Variants in AP2A1 observed in about 807,000 individuals in gnomAD.
AP2A1 encodes adaptor related protein complex 2 subunit alpha 1.
In AP2A1, 21 loss-of-function variants were observed where a neutral mutation model predicts 107.3. That is an observed-to-expected ratio of 0.20 (90% CI 0.14 to 0.28). The LOEUF (loss-of-function observed/expected upper bound fraction) is 0.28, where lower values mean the gene tolerates loss of function less well. AP2A1 is among the 10% of genes least tolerant of loss of function. The pLI, the probability that AP2A1 is intolerant of heterozygous loss-of-function variation, is 1.00. For synonymous variants in AP2A1, 602 were observed against 564.8 expected (o/e 1.07, Z -0.93); for missense variants, 873 against 1,307.7 (o/e 0.67, Z 5.13).
rs979444139 is a variant in AP2A1 at position 49,805,894 on chromosome 19, A to G, written c.2608A>G (p.Ile870Val). ...LSLPQQEAQK[I>V]FKANHPMDAE... Reference sequence around the variant, plus strand: ...CAGCCCTCAACAGGAGGCGCAGAAAATCTTCAAAGCCAACCACCCCATGGA... The same window carrying G: ...CAGCCCTCAACAGGAGGCGCAGAAAGTCTTCAAAGCCAACCACCCCATGGA... The change falls in exon 21 of 23, where the codon ATC becomes GTC. Residue 870 changes from isoleucine (I) to valine (V), a missense_variant. Transcript: ENST00000354293. The G allele has an allele frequency of 6.2e-7, 1 of 1,613,830 alleles. No individual in the cohort carries two copies. The highest frequency in any genetic ancestry group is 8.5e-7 in the Non-Finnish European group (1 of 1,179,888).
At chr19:49,787,066 GCA>G (rs1171432112) in intron 4 of AP2A1, among the ~76,000 whole-genome samples, 2 of 152,228 alleles carry the variant, frequency 1.3e-5, no homozygotes, top group East Asian at 3.9e-4. Context: ...GAGTGCAGTG[GCA>G]CAGTCTTGGC....
intron 8 of AP2A1, 89 bp downstream of exon 8, chr19:49,799,041 A>C: frequency 1.3e-6 from 2 of 1,492,016 alleles, no homozygotes. Flanking sequence ...GGCAGAGGGC[A>C]GGGAATCTTG....
rs2073259702 is a variant in AP2A1, at chr19:49,800,163, G to A, written c.1455+13G>A. 3 of 1,600,202 alleles carry A rather than the reference G, an allele frequency of 1.9e-6. No homozygotes were observed. Among genetic ancestry groups the A allele is most frequent in the South Asian group, 1.1e-5 (1 of 90,000 alleles). ...GACCGTCTTTGAGGTCAGCATCCCT[G>A]ACCCTGACCCTATGACCCCACGACA... On this transcript the variant is annotated intron_variant, in intron 11 of 22. Coordinates refer to ENST00000354293, the MANE Select transcript of AP2A1 (RefSeq NM_130787.3).
intron 1 of AP2A1, among the ~76,000 whole-genome samples, chr19:49,776,256 T>C (rs1434913609): frequency 6.6e-6 from 1 of 152,030 alleles, no homozygotes; most frequent in East Asian, 1.9e-4. Context: ...CCGCCTGCCT[T>C]GCCTCATGCT....
intron 15 of AP2A1, chr19:49,802,463 C>G (rs540840803): frequency 4.1e-6 from 6 of 1,463,482 alleles, no homozygotes; most frequent in South Asian, 2.4e-5. Context: ...TCTGCCCTCT[C>G]GCTGCCTATG....
chr19:49,802,891 GGGC>G, intron 15 of AP2A1, 55 bp from the exon 16 acceptor site: 2 of 1,562,738 alleles, frequency 1.3e-6, no homozygotes, highest in Non-Finnish European at 1.7e-6. Flanking sequence ...CAATCGCTCT[GGGC>G]CTTTGCCCCT....
chr19:49,773,993 TA>T (rs1308317570), intron 1 of AP2A1, among the ~76,000 whole-genome samples: 1 of 143,412 alleles, frequency 7.0e-6, no homozygotes, highest in African/African-American at 2.6e-5. Flanking sequence ...GTGAGAACTT[TA>T]CTTTTACTTC....
At chr19:49,802,887 C>A (rs2073308500) in intron 15 of AP2A1, 62 bp from the exon 16 acceptor site, 5 of 1,553,962 alleles carry the variant, frequency 3.2e-6, no homozygotes, top group Admixed American at 1.8e-5. Flanking sequence ...CACTCAATCG[C>A]TCTGGGCCTT....
chr19:49,789,968 C>T (rs572033733), intron 4 of AP2A1, among the ~76,000 whole-genome samples: 219 of 152,302 alleles, frequency 1.4e-3, no homozygotes, highest in African/African-American at 5.1e-3. Flanking sequence ...CTGGAGTCAG[C>T]CCTCTGAGAT....
chr19:49,793,363 C>G (rs527800405), intron 6 of AP2A1, among the ~76,000 whole-genome samples: 1 of 152,320 alleles, frequency 6.6e-6, no homozygotes, highest in African/African-American at 2.4e-5. Context: ...ATAGAGTGCT[C>G]AGAACAGGGC....
intron 15 of AP2A1, chr19:49,802,644 C>T (rs900903507): frequency 6.0e-6 from 9 of 1,490,498 alleles, no homozygotes; most frequent in Middle Eastern, 2.4e-4. Flanking sequence ...GGGGCGGACT[C>T]GGGTGTCCCC....
intron 10 of AP2A1, 84 bp from the exon 11 acceptor site, chr19:49,799,883 TG>T: frequency 6.4e-7 from 1 of 1,570,974 alleles, no homozygotes; most frequent in Middle Eastern, 1.8e-4. Context: ...GGTCTCCAGA[TG>T]GGGGCAGTGG....
chr19:49,798,700 G>A, intron 7 of AP2A1, 102 bp from the exon 8 acceptor site: 1 of 1,454,154 alleles, frequency 6.9e-7, no homozygotes, highest in East Asian at 2.5e-5. Flanking sequence ...GGCACCCCGA[G>A]CTCCTCCTTT....
chr19:49,782,508 A>G (rs2084689712), intron 3 of AP2A1, 23 bp from the exon 4 acceptor site: 1 of 1,607,908 alleles, frequency 6.2e-7, no homozygotes, highest in South Asian at 1.1e-5. Context: ...GCTCCTAGCC[A>G]TCCACGACCT....
At position 49,801,767 on chromosome 19, in the gene AP2A1, TC is replaced by T; in HGVS notation, c.1833del (p.Ile612SerfsTer5). 6.4e-7 allele frequency: 1 copy of T among 1,568,390 alleles called. No homozygotes were observed. The highest frequency in any genetic ancestry group is 8.6e-7 in the Non-Finnish European group (1 of 1,159,378). The stretch of plus-strand genomic sequence containing the variant: ...GCCGCCCTTCCCCGAGCGCGAGTCG[TC>T]CATCCTGGCCAAGCTGAAACGCAAG... ...EMPPFPERES[S>X]ILAKLKRKKG... On this transcript the variant is annotated frameshift_variant, in exon 14 of 23. Coordinates refer to ENST00000354293, the MANE Select transcript of AP2A1 (RefSeq NM_130787.3). LOFTEE classifies it high-confidence loss of function.
chr19:49,773,236 TCA>T (rs1329207602), intron 1 of AP2A1, among the ~76,000 whole-genome samples: 1 of 152,140 alleles, frequency 6.6e-6, no homozygotes, highest in East Asian at 1.9e-4. Context: ...AAGTATTATC[TCA>T]CAGGGAGCAA....
At chr19:49,786,581 T>C (rs2084739295) in intron 4 of AP2A1, among the ~76,000 whole-genome samples, 1 of 152,014 alleles carries the variant, frequency 6.6e-6, no homozygotes, top group African/African-American at 2.4e-5. Flanking sequence ...CAGCCCAGCG[T>C]GTTACGCTCT....
At chr19:49,806,500 CATCTTTT>C (rs2073389402) in intron 22 of AP2A1, 174 bp from the exon 23 acceptor site, 1 of 1,446,852 alleles carries the variant, frequency 6.9e-7, no homozygotes. Flanking sequence ...ACCTTTCTCT[CATCTTTT>C]ATAATTTTCT....
intron 15 of AP2A1, 88 bp downstream of exon 15, chr19:49,802,229 TC>T (rs1600243551): frequency 1.2e-6 from 1 of 848,852 alleles, no homozygotes; most frequent in Non-Finnish European, 1.7e-6. Context: ...CCTGAGCCCC[TC>T]CCCCGCCCCC....
Sources: gnomAD v4.1 joint callset for allele counts (sites outside exome capture counted in the v4.1 genomes callset) on GRCh38, gnomAD v4.1.1 for gene constraint, MANE v1.5 for transcripts, NCBI Gene and HGNC (gene_info 2026-07-23, HGNC 2026-07-21) for gene names.